GSG1L: variants seen among roughly 807,000 people sequenced by gnomAD.
GSG1L encodes the protein GSG1 like.
A neutral mutation model predicts 42.1 loss-of-function variants in GSG1L; 24 were observed. The observed-to-expected ratio is 0.57, with a 90% confidence interval of 0.41 to 0.80. The LOEUF (loss-of-function observed/expected upper bound fraction) is 0.80, where lower values mean the gene tolerates loss of function less well. Ranked by LOEUF, GSG1L falls within the 30% of genes least tolerant of loss-of-function variation. The pLI, the probability that GSG1L is intolerant of heterozygous loss-of-function variation, is 0.00. For missense variants in GSG1L, 445 were observed against 472.2 expected (o/e 0.94, Z 0.53); for synonymous variants, 215 against 203.5 (o/e 1.06, Z -0.48).
chr16:28,060,141 G>A (rs1356152120), intron 1 of GSG1L, among the ~76,000 whole-genome samples: 1 of 152,012 alleles, frequency 6.6e-6, no homozygotes, highest in African/African-American at 2.4e-5. Flanking sequence ...TGATGGAAGG[G>A]AGGGAAGTTT....
intron 2 of GSG1L, among the ~76,000 whole-genome samples, chr16:27,912,965 C>A (rs1232395791): frequency 1.3e-5 from 2 of 151,798 alleles, no homozygotes; most frequent in East Asian, 1.9e-4. Context: ...ATGGCAGAAT[C>A]TTTATTTTTA....
At chr16:28,008,595 C>A (rs561663431) in intron 1 of GSG1L, among the ~76,000 whole-genome samples, 24 of 152,174 alleles carry the variant, frequency 1.6e-4, no homozygotes, top group African/African-American at 5.8e-4. Context: ...AACCCAGGCA[C>A]CAGGGAGGTC....
At chr16:27,915,003 G>A (rs972877058) in intron 2 of GSG1L, among the ~76,000 whole-genome samples, 2 of 152,048 alleles carry the variant, frequency 1.3e-5, no homozygotes, top group Admixed American at 6.6e-5. Context: ...ATCACTGAAC[G>A]GCTGTGATTC....
rs1371783401 is a variant in GSG1L at position 27,888,481 on chromosome 16, TC to T, written c.398-3844del. On this transcript the variant is annotated intron_variant, in intron 2 of 6. Transcript: ENST00000447459. ...CTTTCTTTCTCTCTCTCTCTCTCTT[TC>T]CTTTCTTTCTTTCTTTCTTTCTTTC... 7.6e-3 allele frequency among the ~76,000 whole-genome samples: 203 copies of T among 26,562 alleles called. 27 individuals carry two copies. Among genetic ancestry groups the T allele is most frequent in the Admixed American group, 0.01 (18 of 1,756 alleles). The allele number at this position is 26,562 out of a possible 152,430, so 17.4% of individuals were successfully genotyped here. A position where few individuals can be genotyped will look rare whatever the true frequency, so the allele number is the denominator to read the frequency against.
At chr16:27,867,188 G>A (rs2083739034) in intron 3 of GSG1L, among the ~76,000 whole-genome samples, 1 of 152,122 alleles carries the variant, frequency 6.6e-6, no homozygotes, top group Admixed American at 6.5e-5. Context: ...AGGAGGGGCA[G>A]GAATAGACGC....
chr16:27,818,619 A>C (rs1228932160), intron 5 of GSG1L, among the ~76,000 whole-genome samples: 1 of 152,200 alleles, frequency 6.6e-6, no homozygotes, highest in Non-Finnish European at 1.5e-5. Context: ...AAACAGTCGC[A>C]GAGGACAAAG....
intron 5 of GSG1L, among the ~76,000 whole-genome samples, chr16:27,826,014 A>G (rs2083203952): frequency 6.6e-6 from 1 of 152,198 alleles, no homozygotes; most frequent in Admixed American, 6.5e-5. Flanking sequence ...CTAATACAGC[A>G]ACAGAGTGAG....
intron 2 of GSG1L, among the ~76,000 whole-genome samples, chr16:27,961,400 C>G (rs1444932446): frequency 6.6e-6 from 1 of 152,214 alleles, no homozygotes. Flanking sequence ...GACTGCACAT[C>G]CCAGAGGGCT....
chr16:28,019,220 C>A (rs1454907653), intron 1 of GSG1L, among the ~76,000 whole-genome samples: 1 of 152,142 alleles, frequency 6.6e-6, no homozygotes, highest in Non-Finnish European at 1.5e-5. Flanking sequence ...TCACAAAGAC[C>A]CTGCTGATAA....
At chr16:27,924,311 G>A (rs1278838919) in intron 2 of GSG1L, among the ~76,000 whole-genome samples, 2 of 138,102 alleles carry the variant, frequency 1.4e-5, no homozygotes, top group Non-Finnish European at 3.2e-5. Context: ...TAATGTATAT[G>A]CATACGTGTA....
At chr16:27,839,412 G>A (rs550136555) in intron 4 of GSG1L, among the ~76,000 whole-genome samples, 203 of 152,334 alleles carry the variant, frequency 1.3e-3, no homozygotes, top group African/African-American at 4.7e-3. Flanking sequence ...GTGTGCAGGA[G>A]TAAGAGGAGA....
At chr16:27,998,063 G>C (rs925889066) in intron 1 of GSG1L, among the ~76,000 whole-genome samples, 24 of 152,046 alleles carry the variant, frequency 1.6e-4, no homozygotes, top group African/African-American at 5.1e-4. Flanking sequence ...CACCATGTTG[G>C]CCTGGCTGGT....
intron 1 of GSG1L, among the ~76,000 whole-genome samples, chr16:28,053,513 C>T (rs1251326619): frequency 6.6e-6 from 1 of 152,186 alleles, no homozygotes; most frequent in Non-Finnish European, 1.5e-5. Context: ...TGGTCTTCTT[C>T]ATCCGTCTGG....
At chr16:27,986,174 G>A (rs903523797) in intron 1 of GSG1L, among the ~76,000 whole-genome samples, 4 of 152,260 alleles carry the variant, frequency 2.6e-5, no homozygotes, top group Admixed American at 6.5e-5. Flanking sequence ...GCCGCAGGGA[G>A]GCTACTCCTT....
chr16:27,817,638 T>C (rs2083110621), intron 5 of GSG1L, among the ~76,000 whole-genome samples: 1 of 152,166 alleles, frequency 6.6e-6, no homozygotes, highest in Non-Finnish European at 1.5e-5. Context: ...GAATTATAAG[T>C]GTGTGCCAAC....
At chr16:27,834,347 G>T (rs2083301306) in intron 4 of GSG1L, among the ~76,000 whole-genome samples, 1 of 151,948 alleles carries the variant, frequency 6.6e-6, no homozygotes, top group African/African-American at 2.4e-5. Flanking sequence ...ATGTGCTATT[G>T]TTTTGCTAAG....
Position 27,787,636 on chromosome 16 carries a change from T to C in GSG1L, c.*3734A>G, listed in dbSNP as rs2082708171. On this transcript the variant is annotated 3_prime_UTR_variant, in exon 7 of 7. Transcript: ENST00000447459. ...CTAAGCAGTAACGTCTGTGAAGTCATAGCACTGATGTGCCCACTGTACATT... is the reference window on the plus strand; with the variant it reads ...CTAAGCAGTAACGTCTGTGAAGTCACAGCACTGATGTGCCCACTGTACATT... 6.6e-6 allele frequency: 1 copy of C among 152,262 alleles called. No homozygotes were observed. Among genetic ancestry groups the C allele is most frequent in the African/African-American group, 2.4e-5 (1 of 41,474 alleles). 9.4% of individuals were successfully genotyped at this position (152,262 alleles called of 1,614,324 possible).
chr16:27,849,236 G>A (rs2083480416), intron 3 of GSG1L, among the ~76,000 whole-genome samples: 2 of 151,618 alleles, frequency 1.3e-5, no homozygotes, highest in Admixed American at 1.3e-4. Context: ...GAAAAGAAAG[G>A]GGAGGGATGT....
At chr16:27,972,698 T>C (rs536806059) in intron 1 of GSG1L, among the ~76,000 whole-genome samples, 1 of 152,270 alleles carries the variant, frequency 6.6e-6, no homozygotes, top group Non-Finnish European at 1.5e-5. Context: ...ATTAGGTCAA[T>C]CAATTTACGT....
Sources: gnomAD v4.1 joint callset for allele counts (sites outside exome capture counted in the v4.1 genomes callset) on GRCh38, gnomAD v4.1.1 for gene constraint, MANE v1.5 for transcripts, NCBI Gene and HGNC (gene_info 2026-07-23, HGNC 2026-07-21) for gene names.